The following TRPM3 variants were observed in gnomAD, a reference collection of about 807,000 sequenced individuals.
TRPM3 encodes the protein transient receptor potential cation channel subfamily M member 3.
A neutral mutation model predicts 181.2 loss-of-function variants in TRPM3; 77 were observed. The ratio of observed to expected loss-of-function variants is 0.42; its 90% CI spans 0.35 to 0.51. TRPM3 has a LOEUF of 0.51. Ranked by LOEUF, TRPM3 falls within the 20% of genes least tolerant of loss-of-function variation. The pLI, the probability that TRPM3 is intolerant of heterozygous loss-of-function variation, is 0.01. For synonymous variants in TRPM3, 745 were observed against 796.4 expected, an observed-to-expected ratio of 0.94 and a Z score of 1.09; for missense variants, 1,759 against 2,196.7, an observed-to-expected ratio of 0.80 and a Z score of 3.98.
chr9:71,085,568 A>G (rs549576300), intron 1 of TRPM3, among the ~76,000 whole-genome samples: 1 of 151,830 alleles, frequency 6.6e-6, no homozygotes, highest in Non-Finnish European at 1.5e-5. Context: ...CCAACAAACC[A>G]TGAAAAGCAG....
intron 1 of TRPM3, among the ~76,000 whole-genome samples, chr9:71,159,101 T>C (rs2076147205): frequency 1.1e-5 from 1 of 89,376 alleles, no homozygotes; most frequent in South Asian, 4.5e-4. Context: ...TATATATATA[T>C]ATTTAGAGAG....
intron 1 of TRPM3, among the ~76,000 whole-genome samples, chr9:70,969,437 A>C (rs1038344975): frequency 6.6e-6 from 1 of 152,064 alleles, no homozygotes. Context: ...ATAAGACATT[A>C]TGTAAAAACT....
intron 1 of TRPM3, among the ~76,000 whole-genome samples, chr9:71,412,869 C>G (rs538404857): frequency 1.8e-4 from 28 of 152,214 alleles, no homozygotes; most frequent in African/African-American, 6.5e-4. Context: ...CAATGATAGA[C>G]TGGATTAAGA....
intron 9 of TRPM3, among the ~76,000 whole-genome samples, chr9:70,662,855 A>G (rs752936867): frequency 6.6e-6 from 1 of 152,214 alleles, no homozygotes; most frequent in Non-Finnish European, 1.5e-5. Flanking sequence ...AACTAAAAGT[A>G]GATCTACCAT....
intron 1 of TRPM3, among the ~76,000 whole-genome samples, chr9:70,943,315 C>T (rs916495483): frequency 6.6e-6 from 1 of 152,212 alleles, no homozygotes; most frequent in Non-Finnish European, 1.5e-5. Context: ...TGGCTGATTA[C>T]ATATTTATTG....
chr9:71,404,199 C>G (rs536508100), intron 1 of TRPM3, among the ~76,000 whole-genome samples: 1 of 152,030 alleles, frequency 6.6e-6, no homozygotes, highest in African/African-American at 2.4e-5. Context: ...TGGCATCGTG[C>G]CTAAATAAGT....
At chr9:71,289,606 G>T (rs916628462) in intron 1 of TRPM3, among the ~76,000 whole-genome samples, 7 of 152,000 alleles carry the variant, frequency 4.6e-5, no homozygotes, top group African/African-American at 1.4e-4. Context: ...AGTGGCTCAC[G>T]CCTGTAATCC....
At chr9:71,321,741 C>T (rs188361191) in intron 1 of TRPM3, among the ~76,000 whole-genome samples, 1 of 152,178 alleles carries the variant, frequency 6.6e-6, no homozygotes, top group East Asian at 1.9e-4. Context: ...TAAGCTGGGG[C>T]TAGCATCTGT....
Position 70,700,128 on chromosome 9 carries a change from A to G in TRPM3, c.1273-18550T>C, listed in dbSNP as rs796274379. ...CACCCGAGTAGCTTAGACTACAGGC[A>G]TGTGCCACCATGCCCGGCTAATTTT... On this transcript the variant is annotated intron_variant, in intron 8 of 25. Transcript: ENST00000677713. Among the ~76,000 whole-genome samples the G allele has an allele frequency of 3.3e-5, 5 of 152,104 alleles. 1 individual carries two copies. In the East Asian group the frequency reaches 7.7e-4, roughly 23 times the overall value.
chr9:70,928,090 G>C (rs532841762), intron 1 of TRPM3, among the ~76,000 whole-genome samples: 28 of 152,242 alleles, frequency 1.8e-4, no homozygotes, highest in Admixed American at 1.7e-3. Context: ...TTAGGTAATA[G>C]GGAAAAATGA....
intron 8 of TRPM3, among the ~76,000 whole-genome samples, chr9:70,755,100 G>A (rs892417938): frequency 6.6e-6 from 1 of 152,052 alleles, no homozygotes; most frequent in Non-Finnish European, 1.5e-5. Flanking sequence ...TTTTTGCCCG[G>A]ATGTGGAGAT....
intron 1 of TRPM3, among the ~76,000 whole-genome samples, chr9:71,271,439 C>G (rs1329094889): frequency 6.6e-6 from 1 of 152,100 alleles, no homozygotes; most frequent in African/African-American, 2.4e-5. Context: ...TGGCTTACCA[C>G]TCTGTGAAAA....
chr9:71,123,457 C>T (rs888086902), upstream of TRPM3, among the ~76,000 whole-genome samples: 1 of 152,098 alleles, frequency 6.6e-6, no homozygotes, highest in East Asian at 1.9e-4. Flanking sequence ...GTTGTGAGGA[C>T]TAAATAAGCT....
rs2096049730 is a variant in TRPM3 at position 70,884,235 on chromosome 9, C to T, written c.178-19724G>A. Among the ~76,000 whole-genome samples, 5 of 152,232 alleles carry T rather than the reference C, an allele frequency of 3.3e-5. No homozygotes were observed. The South Asian group carries it at 1.0e-3, about 32-fold the overall frequency. On this transcript the variant is annotated intron_variant, in intron 1 of 25. Transcript: ENST00000677713. ...TTTTTAAAACTTATTTTGTATGTTCCTTCTGTATTACAAAAGTTGTGCTAA... is the reference window on the plus strand; with the variant it reads ...TTTTTAAAACTTATTTTGTATGTTCTTTCTGTATTACAAAAGTTGTGCTAA...
intron 1 of TRPM3, among the ~76,000 whole-genome samples, chr9:70,998,697 T>C (rs2097569352): frequency 6.6e-6 from 1 of 152,206 alleles, no homozygotes; most frequent in Non-Finnish European, 1.5e-5. Flanking sequence ...CCGTTCTTCC[T>C]TTCCCTCTCC....
Position 70,884,003 on chromosome 9 carries a change from T to C in TRPM3, c.178-19492A>G, listed in dbSNP as rs74538984. ...ATTTTGCATTTGGAAACGATTGCAG[T>C]TTTAGCTCCGACATGTGTGGGTCTT... On this transcript the variant is annotated intron_variant, in intron 1 of 25. Coordinates refer to ENST00000677713, the MANE Select transcript of TRPM3 (RefSeq NM_001366145.2). 7.1e-3 allele frequency among the ~76,000 whole-genome samples: 1,080 copies of C among 152,276 alleles called. 7 individuals are homozygous for C. Among genetic ancestry groups the C allele is most frequent in the Middle Eastern group, 0.041 (12 of 294 alleles).
chr9:71,295,128 T>C (rs1565433442), intron 1 of TRPM3, among the ~76,000 whole-genome samples: 1 of 152,168 alleles, frequency 6.6e-6, no homozygotes, highest in Non-Finnish European at 1.5e-5. Flanking sequence ...ATGTGATATA[T>C]CTCATAATAC....
At chr9:71,078,047 T>C (rs2063717269) in intron 1 of TRPM3, among the ~76,000 whole-genome samples, 1 of 152,066 alleles carries the variant, frequency 6.6e-6, no homozygotes, top group South Asian at 2.1e-4. Context: ...ACTCCGTCTC[T>C]AGAAAATCAT....
intron 1 of TRPM3, among the ~76,000 whole-genome samples, chr9:71,370,912 T>G (rs1211754281): frequency 6.6e-6 from 1 of 152,212 alleles, no homozygotes; most frequent in East Asian, 1.9e-4. Context: ...CAGTGCTTAT[T>G]TGCCATTCTA....
Sources: gnomAD v4.1 joint callset for allele counts (sites outside exome capture counted in the v4.1 genomes callset) on GRCh38, gnomAD v4.1.1 for gene constraint, MANE v1.5 for transcripts, NCBI Gene and HGNC (gene_info 2026-07-23, HGNC 2026-07-21) for gene names.